The following KIZ variants were observed in gnomAD, a reference collection of about 807,000 sequenced individuals.
KIZ encodes kizuna centrosomal protein, also known as centrosomal protein kizuna.
A neutral mutation model predicts 79.6 loss-of-function variants in KIZ; 68 were observed. The ratio of observed to expected loss-of-function variants is 0.85; its 90% CI spans 0.70 to 1.05. KIZ has a LOEUF of 1.05. KIZ is among the 50% of genes least tolerant of loss of function. The pLI is 0.00. For missense variants in KIZ, 797 were observed against 800.4 expected (o/e 1.00, Z 0.05); for synonymous variants, 280 against 281.8 (o/e 0.99, Z 0.06).
intron 3 of KIZ, among the ~76,000 whole-genome samples, chr20:21,137,291 C>T (rs1054799204): frequency 6.6e-6 from 1 of 152,070 alleles, no homozygotes; most frequent in Non-Finnish European, 1.5e-5. Context: ...GCTTGGCTGC[C>T]TGCTGCTGCT....
chr20:21,141,574 G>A (rs1368650738), intron 3 of KIZ, among the ~76,000 whole-genome samples: 1 of 152,076 alleles, frequency 6.6e-6, no homozygotes, highest in Non-Finnish European at 1.5e-5. Context: ...CTAGGGATGT[G>A]TGTAGAACGT....
rs778711173 is a variant in KIZ at position 21,215,543 on chromosome 20, C to G, written c.1613-40C>G. The stretch of plus-strand genomic sequence containing the variant: ...AACACCCAAAGGATCTATTCCTTAA[C>G]TTTGAAATACTTTTTTTTTATTATG... On this transcript the variant is annotated intron_variant, in intron 8 of 12. Transcript: ENST00000619189. 15 of 1,257,926 alleles carry G rather than the reference C, an allele frequency of 1.2e-5. No individual in the cohort carries two copies. In the Admixed American group the frequency reaches 2.9e-4, roughly 25 times the overall value. The allele number at this position is 1,257,926 out of a possible 1,614,324, so 77.9% of individuals were successfully genotyped here.
intron 6 of KIZ, among the ~76,000 whole-genome samples, chr20:21,165,847 T>C (rs1229625879): frequency 6.6e-6 from 1 of 152,256 alleles, no homozygotes; most frequent in Admixed American, 6.5e-5. Context: ...TGGCCCTTAC[T>C]GAAGCCAGTG....
intron 4 of KIZ, among the ~76,000 whole-genome samples, chr20:21,150,656 G>A (rs1276901390): frequency 1.3e-5 from 2 of 152,124 alleles, no homozygotes; most frequent in Non-Finnish European, 1.5e-5. Flanking sequence ...TACACAAATT[G>A]TATTTCAAGC....
intron 2 of KIZ, among the ~76,000 whole-genome samples, chr20:21,135,938 T>C (rs530169241): frequency 1.4e-4 from 21 of 152,362 alleles, no homozygotes; most frequent in African/African-American, 5.0e-4. Flanking sequence ...TATTTTACAT[T>C]TTTAAATTTC....
chr20:21,207,536 C>T (rs1404844902), intron 7 of KIZ, among the ~76,000 whole-genome samples: 2 of 143,172 alleles, frequency 1.4e-5, no homozygotes, highest in African/African-American at 5.2e-5. Context: ...TGCTCTTTCT[C>T]TCTTTTCCCT....
At chr20:21,163,926 T>G (rs1044042179) in intron 6 of KIZ, among the ~76,000 whole-genome samples, 2 of 152,186 alleles carry the variant, frequency 1.3e-5, no homozygotes, top group African/African-American at 4.8e-5. Flanking sequence ...TCAAATCTCT[T>G]TTAGGGGTAG....
At chr20:21,221,497 C>T (rs574345977) in intron 9 of KIZ, among the ~76,000 whole-genome samples, 1 of 152,298 alleles carries the variant, frequency 6.6e-6, no homozygotes, top group South Asian at 2.1e-4. Flanking sequence ...GGGCTCTCAG[C>T]TTTTATCTCA....
chr20:21,170,680 GC>G (rs2034164894), intron 6 of KIZ, among the ~76,000 whole-genome samples: 1 of 151,974 alleles, frequency 6.6e-6, no homozygotes, highest in South Asian at 2.1e-4. Flanking sequence ...GAGCCACCAC[GC>G]CCGGCCATCA....
chr20:21,244,539 T>A (rs2037326021), intron 12 of KIZ: 1 of 518,690 alleles, frequency 1.9e-6, no homozygotes, highest in Non-Finnish European at 3.4e-6. Flanking sequence ...TTGCAGGGGA[T>A]CCTGGCCTCC....
intron 9 of KIZ, among the ~76,000 whole-genome samples, chr20:21,220,593 C>T (rs942821667): frequency 2.6e-5 from 4 of 152,150 alleles, no homozygotes; most frequent in Admixed American, 1.3e-4. Context: ...AAGCGATTCT[C>T]GTGCCACAGC....
In KIZ at chr20:21,144,633, T is replaced by TGTATTA. The variant is rs2032751317; in HGVS notation, c.316-932_316-931insGTATTA. ...AACTGTTACTAAAAATGAGACAGCA[T>TGTATTA]ATATTACCTTTCAAAATATTTTGAG... On this transcript the variant is annotated intron_variant, in intron 3 of 12. Transcript: ENST00000619189. Among the ~76,000 whole-genome samples, 3 of 151,336 alleles carry TGTATTA rather than the reference T, an allele frequency of 2.0e-5. No homozygotes were observed. In the Middle Eastern group the frequency reaches 0.01, roughly 529 times the overall value.
rs2034191842 is a variant in KIZ, at chr20:21,171,214, G to T, written c.1352+8055G>T. Among the ~76,000 whole-genome samples, 3 of 152,072 alleles carry T rather than the reference G, an allele frequency of 2.0e-5. No homozygotes were observed. The South Asian group carries it at 6.2e-4, about 32-fold the overall frequency. On this transcript the variant is annotated intron_variant, in intron 6 of 12. Coordinates refer to ENST00000619189, the MANE Select transcript of KIZ (RefSeq NM_018474.6). ...TGAACATCTTTTCATATGCTTATCT[G>T]CCACCTGTGTATCTTCTTTGATGAG...
intron 2 of KIZ, among the ~76,000 whole-genome samples, chr20:21,134,267 T>C (rs574259725): frequency 1.3e-5 from 2 of 152,216 alleles, no homozygotes; most frequent in Non-Finnish European, 2.9e-5. Flanking sequence ...GATTCGACAC[T>C]GACTGAAACG....
intron 9 of KIZ, among the ~76,000 whole-genome samples, chr20:21,220,477 T>C: frequency 6.6e-6 from 1 of 152,262 alleles, no homozygotes; most frequent in East Asian, 1.9e-4. Context: ...TATTTTGTTT[T>C]TTTATTATTT....
intron 3 of KIZ, among the ~76,000 whole-genome samples, chr20:21,139,351 A>G (rs979028561): frequency 6.6e-6 from 1 of 151,986 alleles, no homozygotes; most frequent in Non-Finnish European, 1.5e-5. Flanking sequence ...GTTCTTTTTA[A>G]TGGAGAGGGG....
chr20:21,152,531 C>A (rs932830476), intron 4 of KIZ, among the ~76,000 whole-genome samples: 4 of 152,018 alleles, frequency 2.6e-5, no homozygotes, highest in Non-Finnish European at 5.9e-5. Context: ...TCCTGAGTTA[C>A]CCTATTTGGG....
At chr20:21,183,491 C>A (rs2034744144) in intron 6 of KIZ, among the ~76,000 whole-genome samples, 1 of 152,208 alleles carries the variant, frequency 6.6e-6, no homozygotes, top group Non-Finnish European at 1.5e-5. Context: ...GCAAGGGCGC[C>A]TTTGGCTGTG....
At chr20:21,208,433 G>T (rs1037162609) in intron 7 of KIZ, among the ~76,000 whole-genome samples, 1 of 152,234 alleles carries the variant, frequency 6.6e-6, no homozygotes, top group Non-Finnish European at 1.5e-5. Flanking sequence ...GCTGGACGCG[G>T]TGGCTTACGC....
Sources: gnomAD v4.1 joint callset for allele counts (sites outside exome capture counted in the v4.1 genomes callset) on GRCh38, gnomAD v4.1.1 for gene constraint, MANE v1.5 for transcripts, NCBI Gene and HGNC (gene_info 2026-07-23, HGNC 2026-07-21) for gene names.